Variants in AGAP1 observed in about 807,000 individuals in gnomAD.
The protein encoded by AGAP1 is ArfGAP with GTPase domain, ankyrin repeat and PH domain 1, also known as arf-GAP with GTPase, ANK repeat and PH domain-containing protein 1.
A neutral mutation model predicts 105.3 loss-of-function variants in AGAP1; 29 were observed. That is an observed-to-expected ratio of 0.28 (90% CI 0.21 to 0.38). The LOEUF (loss-of-function observed/expected upper bound fraction) is 0.38, where lower values mean the gene tolerates loss of function less well. Among genes scored for constraint, AGAP1 ranks in the 10% least tolerant of loss-of-function variants. AGAP1 has a pLI of 1.00. For missense variants in AGAP1, 998 were observed against 1,165.1 expected (o/e 0.86, Z 2.09); for synonymous variants, 509 against 485.9 (o/e 1.05, Z -0.63).
At chr2:236,017,907 G>T (rs1047402933) in intron 13 of AGAP1, among the ~76,000 whole-genome samples, 2 of 152,208 alleles carry the variant, frequency 1.3e-5, no homozygotes, top group Non-Finnish European at 2.9e-5. Flanking sequence ...GAGGCAGGAC[G>T]TGTGCCCAGA....
rs937527934 is a variant in AGAP1 at position 236,120,104 on chromosome 2, C to T, written c.2115-88C>T. ...GCTTTCTGTTATTTCACTTCCCTCT[C>T]GGCTTCTCCCGACCACACTGGGCAG... On this transcript the variant is annotated intron_variant, in intron 16 of 17. Transcript: ENST00000304032. This position sits in a 1 kb window ranked among gnomAD's most constrained non-coding sequence, Gnocchi z 6.0. 3.2e-5 allele frequency: 48 copies of T among 1,519,282 alleles called. No homozygotes were observed. The highest frequency in any genetic ancestry group is 4.1e-5 in the Non-Finnish European group (46 of 1,132,190). 94.1% of individuals were successfully genotyped at this position (1,519,282 alleles called of 1,614,324 possible). A position where few individuals can be genotyped will look rare whatever the true frequency, so the allele number is the denominator to read the frequency against.
intron 1 of AGAP1, among the ~76,000 whole-genome samples, chr2:235,519,548 A>G (rs1282587738): frequency 6.6e-6 from 1 of 152,156 alleles, no homozygotes; most frequent in Non-Finnish European, 1.5e-5. Context: ...CTGATATAAC[A>G]CATATTTTCT....
rs1246892039 is a variant in AGAP1, at chr2:235,960,777, G to T, written c.1484-7685G>T. Among the ~76,000 whole-genome samples, 9 of 152,214 alleles carry T rather than the reference G, an allele frequency of 5.9e-5. No individual in the cohort carries two copies. Among genetic ancestry groups the T allele is most frequent in the Non-Finnish European group, 1.3e-4 (9 of 68,038 alleles). ...TCCTAGGGCACGCTTGGTGCGTGGG[G>T]ACACTCAACAGGGAGATGCTTTCTC... On this transcript the variant is annotated intron_variant, in intron 12 of 17. Coordinates refer to ENST00000304032, the MANE Select transcript of AGAP1 (RefSeq NM_001037131.3). This position sits in a 1 kb window ranked among gnomAD's most constrained non-coding sequence, Gnocchi z 4.9.
chr2:235,970,206 T>TAAA lies in AGAP1; in HGVS notation c.1645+1603_1645+1605dup, dbSNP rs35825564. Among the ~76,000 whole-genome samples the TAAA allele has an allele frequency of 1.7e-4, 20 of 117,878 alleles. No homozygotes were observed. Among genetic ancestry groups the TAAA allele is most frequent in the African/African-American group, 6.2e-4 (19 of 30,658 alleles). The allele number at this position is 117,878 out of a possible 152,430, so 77.3% of individuals were successfully genotyped here. On this transcript the variant is annotated intron_variant, in intron 13 of 17. Coordinates refer to ENST00000304032, the MANE Select transcript of AGAP1 (RefSeq NM_001037131.3). This position sits in a 1 kb window ranked among gnomAD's most constrained non-coding sequence, Gnocchi z 5.4. The stretch of plus-strand genomic sequence containing the variant: ...GGGCGACAGAGTGAGACTCTGTCTT[T>TAAA]AAAAAAAAAAAAAAAAAAAAAAGAC...
intron 16 of AGAP1, among the ~76,000 whole-genome samples, chr2:236,111,409 A>G (rs2059637231): frequency 6.6e-6 from 1 of 151,996 alleles, no homozygotes; most frequent in Non-Finnish European, 1.5e-5. Context: ...GCAACTGCTC[A>G]AGGGGCTGAG....
rs991969886 is a variant in AGAP1 at position 236,127,834 on chromosome 2, C to T, written c.*3712C>T. ...ATTCCTCTGCAACTCTAGGCAAGCA[C>T]CCAGCTTCCTGGGCTCTTTTTCCTC... is the stretch of plus-strand genomic sequence containing the variant. On this transcript the variant is annotated 3_prime_UTR_variant, in exon 18 of 18. Transcript: ENST00000304032. This position sits in a 1 kb window ranked among gnomAD's most constrained non-coding sequence, Gnocchi z 6.6. 4 of 152,282 alleles carry T rather than the reference C, an allele frequency of 2.6e-5. No individual in the cohort carries two copies. Among genetic ancestry groups the T allele is most frequent in the African/African-American group, 9.6e-5 (4 of 41,462 alleles). 9.4% of individuals were successfully genotyped at this position (152,282 alleles called of 1,614,324 possible).
chr2:235,559,084 G>A lies in AGAP1; in HGVS notation c.163+64235G>A, dbSNP rs1035246757. 3.9e-5 allele frequency among the ~76,000 whole-genome samples: 6 copies of A among 152,162 alleles called. No homozygotes were observed. Among genetic ancestry groups the A allele is most frequent in the African/African-American group, 1.4e-4 (6 of 41,522 alleles). ...ACTACAGGCATGCGCCACTACACCC[G>A]ACTAATATTTTGTATTCGTGTGTGT... On this transcript the variant is annotated intron_variant, in intron 1 of 17. Transcript: ENST00000304032. This position sits in a 1 kb window ranked among gnomAD's most constrained non-coding sequence, Gnocchi z 5.7.
intron 10 of AGAP1, among the ~76,000 whole-genome samples, chr2:235,894,622 C>CACATAT (rs2050712331): frequency 1.1e-5 from 1 of 87,322 alleles, no homozygotes; most frequent in South Asian, 5.0e-4. Flanking sequence ...CTTAAACATA[C>CACATAT]ACATGCACAT....
intron 1 of AGAP1, among the ~76,000 whole-genome samples, chr2:235,645,544 C>T (rs1417484927): frequency 6.6e-6 from 1 of 152,154 alleles, no homozygotes; most frequent in Non-Finnish European, 1.5e-5. Context: ...TGACTGGGCT[C>T]AGCCATCCAG....
intron 16 of AGAP1, among the ~76,000 whole-genome samples, chr2:236,110,018 A>T (rs1468011848): frequency 1.3e-5 from 2 of 152,148 alleles, no homozygotes; most frequent in Non-Finnish European, 2.9e-5. Flanking sequence ...ATGTTTCCTA[A>T]TTTGGGAGGC....
Position 235,968,586 on chromosome 2 carries a change from C to T in AGAP1, c.1608C>T (p.Ser536=), listed in dbSNP as rs985834816. 9 of 1,440,466 alleles carry T rather than the reference C, an allele frequency of 6.2e-6. No individual in the cohort carries two copies. In the Admixed American group the frequency reaches 1.3e-4, roughly 21 times the overall value. The allele number at this position is 1,440,466 out of a possible 1,614,324, so 89.2% of individuals were successfully genotyped here. A position where few individuals can be genotyped will look rare whatever the true frequency, so the allele number is the denominator to read the frequency against. ...RKKHRRKKST[S]NFKADGLSGT... ...AGCACCGAAGGAAGAAAAGCACTAG[C>T]AACTTCAAAGCCGACGGCCTGTCCG... The change falls in exon 13 of 18, where the codon AGC becomes AGT. Residue 536 remains serine (S), a synonymous_variant. Coordinates refer to ENST00000304032, the MANE Select transcript of AGAP1 (RefSeq NM_001037131.3).
intron 11 of AGAP1, among the ~76,000 whole-genome samples, chr2:235,929,744 G>A (rs895276588): frequency 2.6e-5 from 4 of 152,106 alleles, no homozygotes; most frequent in Non-Finnish European, 4.4e-5. Context: ...CCCATTCCCA[G>A]AGCTTCTGAA....
chr2:235,818,017 A>G (rs1231614135), intron 9 of AGAP1, among the ~76,000 whole-genome samples: 1 of 152,260 alleles, frequency 6.6e-6, no homozygotes, highest in African/African-American at 2.4e-5. Flanking sequence ...TACTATTAAC[A>G]TCTTAGGGCC....
intron 12 of AGAP1, among the ~76,000 whole-genome samples, chr2:235,949,406 G>A (rs537626129): frequency 6.6e-6 from 1 of 152,082 alleles, no homozygotes. Flanking sequence ...AAAAGAGGGC[G>A]GTGGCCAGGG....
Position 236,123,448 on chromosome 2 carries a change from T to C in AGAP1, c.2371-471T>C, listed in dbSNP as rs1559298480. On this transcript the variant is annotated intron_variant, in intron 17 of 17. Transcript: ENST00000304032. This position sits in a 1 kb window ranked among gnomAD's most constrained non-coding sequence, Gnocchi z 4.6. ...TTTGTACAGTCTTATCTCAATTATGTACATATACATGTAGATTCAAAGAAA... is the reference window on the plus strand; with the variant it reads ...TTTGTACAGTCTTATCTCAATTATGCACATATACATGTAGATTCAAAGAAA... Among the ~76,000 whole-genome samples the C allele has an allele frequency of 1.3e-5, 2 of 152,222 alleles. No individual in the cohort carries two copies. Among genetic ancestry groups the C allele is most frequent in the Admixed American group, 1.3e-4 (2 of 15,274 alleles).
At position 236,120,155 on chromosome 2, in the gene AGAP1, C is replaced by G. The variant is rs1421951892; in HGVS notation, c.2115-37C>G. ...GGGCTGGCAGCCTGTGTTCTCGGGC[C>G]TGATCGTGACTGCACCTGTCTGGTG... On this transcript the variant is annotated intron_variant, in intron 16 of 17. Coordinates refer to ENST00000304032, the MANE Select transcript of AGAP1 (RefSeq NM_001037131.3). This position sits in a 1 kb window ranked among gnomAD's most constrained non-coding sequence, Gnocchi z 6.0. 1 of 1,582,808 alleles carries G rather than the reference C, an allele frequency of 6.3e-7. No homozygotes were observed.
At position 236,113,327 on chromosome 2, in the gene AGAP1, G is replaced by A. The variant is rs993981713; in HGVS notation, c.2115-6865G>A. 1.3e-5 allele frequency among the ~76,000 whole-genome samples: 2 copies of A among 152,162 alleles called. No homozygotes were observed. The highest frequency in any genetic ancestry group is 4.8e-5 in the African/African-American group (2 of 41,432). On this transcript the variant is annotated intron_variant, in intron 16 of 17. Transcript: ENST00000304032. The surrounding 1 kb of genome is among the most constrained non-coding windows in gnomAD (Gnocchi z 4.3). The stretch of plus-strand genomic sequence containing the variant: ...GGCTAATTTTTGTATTTTTAGTAGA[G>A]ATGGGGTTTTACCATGTTGGCCAGG...
Position 235,741,074 on chromosome 2 carries a change from CTG to C in AGAP1, c.396+27_396+28del. 1 of 1,537,866 alleles carries C rather than the reference CTG, an allele frequency of 6.5e-7. No homozygotes were observed. Among genetic ancestry groups the C allele is most frequent in the South Asian group, 1.3e-5 (1 of 79,360 alleles). ...GTGAGTATACATGCATGCCCCAAGC[CTG>C]CTTTTTTTCCCTTTGTTTTCTAAGG... is the stretch of plus-strand genomic sequence containing the variant. On this transcript the variant is annotated intron_variant, in intron 4 of 17. Transcript: ENST00000304032. The surrounding 1 kb of genome is among the most constrained non-coding windows in gnomAD (Gnocchi z 4.9).
intron 9 of AGAP1, among the ~76,000 whole-genome samples, chr2:235,813,388 C>T (rs577609738): frequency 3.1e-4 from 47 of 152,394 alleles, no homozygotes; most frequent in African/African-American, 1.1e-3. Context: ...ACACGACCAA[C>T]TGCCATGCTA....
Sources: gnomAD v4.1 joint callset for allele counts (sites outside exome capture counted in the v4.1 genomes callset) on GRCh38, gnomAD v4.1.1 for gene constraint, Gnocchi (gnomAD v3.1) non-coding constraint, MANE v1.5 for transcripts, NCBI Gene and HGNC (gene_info 2026-07-23, HGNC 2026-07-21) for gene names.